The following DYNC2I2 variants were observed in gnomAD, a reference collection of about 807,000 sequenced individuals.
DYNC2I2 encodes the protein dynein 2 intermediate chain 2.
In DYNC2I2, 39 loss-of-function variants were observed where a neutral mutation model predicts 52.0. The observed-to-expected ratio is 0.75, with a 90% CI of 0.58 to 0.98. The LOEUF (loss-of-function observed/expected upper bound fraction) is 0.98. DYNC2I2 is among the 50% of genes least tolerant of loss of function. The pLI is 0.00. For missense variants in DYNC2I2, 743 were observed against 728.4 expected (o/e 1.02, Z -0.23); for synonymous variants, 359 against 321.1 (o/e 1.12, Z -1.26).
upstream of DYNC2I2, among the ~76,000 whole-genome samples, chr9:128,659,841 G>A (rs1860897519): frequency 6.6e-6 from 1 of 151,668 alleles, no homozygotes; most frequent in Non-Finnish European, 1.5e-5. Flanking sequence ...CTGGGAGGTG[G>A]AAGTGGCAGT....
chr9:128,662,091 G>C, the DYNC2I2 span, among the ~76,000 whole-genome samples: 2 of 151,602 alleles, frequency 1.3e-5, no homozygotes, highest in African/African-American at 4.8e-5. Flanking sequence ...AAATTAGCTG[G>C]GCATGGTTGC....
At chr9:128,671,965 TTTTA>T in the DYNC2I2 span, among the ~76,000 whole-genome samples, 11,139 of 142,796 alleles carry the variant, frequency 0.078, 560 homozygotes, top group Middle Eastern at 0.14. Flanking sequence ...ATTTTTGTAT[TTTTA>T]TTTATTTATT....
chr9:128,669,059 C>T, the DYNC2I2 span, among the ~76,000 whole-genome samples: 4 of 151,526 alleles, frequency 2.6e-5, no homozygotes, highest in African/African-American at 7.3e-5. Flanking sequence ...GGCAAAACCC[C>T]GTCTCTACTA....
intron 1 of DYNC2I2, among the ~76,000 whole-genome samples, chr9:128,641,259 C>G (rs895571867): frequency 2.6e-5 from 4 of 152,128 alleles, no homozygotes; most frequent in African/African-American, 9.7e-5. Flanking sequence ...TCAGAGGGCT[C>G]CCTTTCTGAA....
Position 128,656,674 on chromosome 9 carries a change from A to G in DYNC2I2, c.53T>C (p.Val18Ala), listed in dbSNP as rs755251806. The G allele has an allele frequency of 2.0e-6, 3 of 1,505,210 alleles. No homozygotes were observed. Among genetic ancestry groups the G allele is most frequent in the South Asian group, 2.5e-5 (2 of 79,480 alleles). The allele number at this position is 1,505,210 out of a possible 1,614,324, so 93.2% of individuals were successfully genotyped here. ...GPLSQAGSAG[V>A]AALATVGVAS... is the part of the protein sequence containing the mutation. ...AACCCCGACTGTCGCCAGCGCCGCA[A>G]CACCAGCGCTTCCCGCCTGGCTGAG... is the stretch of plus-strand genomic sequence containing the variant. The change falls in exon 1 of 9, where the codon GTT becomes GCT. Residue 18 changes from valine to alanine, a missense_variant. Coordinates refer to ENST00000372715, the MANE Select transcript of DYNC2I2 (RefSeq NM_052844.4).
At chr9:128,642,493 G>A (rs1246107160) in intron 1 of DYNC2I2, among the ~76,000 whole-genome samples, 5 of 151,114 alleles carry the variant, frequency 3.3e-5, no homozygotes, top group East Asian at 3.9e-4. Flanking sequence ...TATTGAGGCC[G>A]GGCGCAGTGG....
chr9:128,649,688 C>CAAAAAAAAAAAAAAAAAAAAAA (rs34154610), intron 1 of DYNC2I2, among the ~76,000 whole-genome samples: 2 of 47,230 alleles, frequency 4.2e-5, no homozygotes, highest in Admixed American at 3.5e-4. Context: ...GACTCCATCT[C>CAAAAAAAAAAAAAAAAAAAAAA]AAAAAAAAAA....
At chr9:128,678,448 ATTTTTT>A in the DYNC2I2 span, among the ~76,000 whole-genome samples, 3 of 61,360 alleles carry the variant, frequency 4.9e-5, no homozygotes, top group Admixed American at 3.1e-4. Context: ...ACCACAGGTA[ATTTTTT>A]TTTTTTTTTT....
chr9:128,643,359 T>C (rs1860553610), intron 1 of DYNC2I2, among the ~76,000 whole-genome samples: 1 of 152,070 alleles, frequency 6.6e-6, no homozygotes, highest in Non-Finnish European at 1.5e-5. Flanking sequence ...ACCCCGTCTC[T>C]ACTAAAAATA....
intron 1 of DYNC2I2, among the ~76,000 whole-genome samples, chr9:128,644,725 A>T (rs1163711482): frequency 6.6e-6 from 1 of 152,154 alleles, no homozygotes; most frequent in Non-Finnish European, 1.5e-5. Context: ...ACTTTTCACA[A>T]ACTGAAGGAT....
chr9:128,657,619 A>G (rs185929614), upstream of DYNC2I2, among the ~76,000 whole-genome samples: 1 of 152,244 alleles, frequency 6.6e-6, no homozygotes, highest in Admixed American at 6.5e-5. Context: ...CCTGAGCAAC[A>G]TAGTGAGAGC....
At chr9:128,653,878 G>A (rs987741341) in intron 1 of DYNC2I2, among the ~76,000 whole-genome samples, 1 of 152,154 alleles carries the variant, frequency 6.6e-6, no homozygotes, top group Non-Finnish European at 1.5e-5. Flanking sequence ...AGGCGTGGTG[G>A]CGGGTGCCTG....
At position 128,640,366 on chromosome 9, in the gene DYNC2I2, T is replaced by C. The variant is rs552272418; in HGVS notation, c.435+325A>G. Among the ~76,000 whole-genome samples, 39 of 152,274 alleles carry C rather than the reference T, an allele frequency of 2.6e-4. No individual in the cohort carries two copies. The Middle Eastern group carries it at 0.017, about 66-fold the overall frequency. On this transcript the variant is annotated intron_variant, in intron 2 of 8. Transcript: ENST00000372715. ...AAGAAGGCCCTCACTGCACCGTACA[T>C]GGGGAGGCAGGGCAGCCGGGCCACC...
chr9:128,635,087 C>A lies in DYNC2I2; in HGVS notation c.981+5G>T. The A allele has an allele frequency of 1.2e-6, 2 of 1,607,466 alleles. No individual in the cohort carries two copies. The highest frequency in any genetic ancestry group is 1.7e-6 in the Non-Finnish European group (2 of 1,176,076). On this transcript the variant is annotated splice_donor_5th_base_variant and intron_variant, in intron 6 of 8. Transcript: ENST00000372715. ...GGCCAGGGCAGTTTCCGGGTGCCCA[C>A]GTACCTTCTTGAGCTTGGTGCTCCG...
At chr9:128,682,141 T>C in the DYNC2I2 span, among the ~76,000 whole-genome samples, 1 of 151,368 alleles carries the variant, frequency 6.6e-6, no homozygotes, top group Non-Finnish European at 1.5e-5. Flanking sequence ...CTCCGCCTCC[T>C]GGGTTCTGGC....
the DYNC2I2 span, among the ~76,000 whole-genome samples, chr9:128,672,500 TAAA>T: frequency 2.3e-5 from 3 of 128,516 alleles, no homozygotes; most frequent in Middle Eastern, 4.0e-3. Flanking sequence ...ACCCTGTCTC[TAAA>T]AAAAAAAAAA....
rs749438539 is a variant in DYNC2I2, at chr9:128,640,911, G to A, written c.215C>T (p.Thr72Ile). The change falls in exon 2 of 9, where the codon ACT becomes ATT. Residue 72 changes from threonine to isoleucine, a missense_variant. Physicochemically the swap from Thr to Ile is moderately conservative, Grantham distance 89. Transcript: ENST00000372715. ...TKSCQTASIA[T>I]ASASAQARNH... Reference sequence around the variant, plus strand: ...CCTGGCCTGGGCGGATGCACTGGCAGTGGCAATGCTGGCCGTCTGGCAACT... The same window carrying A: ...CCTGGCCTGGGCGGATGCACTGGCAATGGCAATGCTGGCCGTCTGGCAACT... 8.1e-6 allele frequency: 13 copies of A among 1,600,690 alleles called. No homozygotes were observed. The Admixed American group carries it at 1.9e-4, about 23-fold the overall frequency.
At chr9:128,679,329 AAAG>A in the DYNC2I2 span, among the ~76,000 whole-genome samples, 1 of 152,308 alleles carries the variant, frequency 6.6e-6, no homozygotes, top group East Asian at 1.9e-4. Context: ...AGCAGCTCAA[AAAG>A]AAGAAAGGGA....
the DYNC2I2 span, chr9:128,683,865 C>G: frequency 6.5e-7 from 1 of 1,527,114 alleles, no homozygotes; most frequent in East Asian, 2.5e-5. Context: ...CGAGGAGACT[C>G]GTGGTCTGGT....
Sources: allele counts gnomAD v4.1 joint callset (sites outside exome capture counted in the v4.1 genomes callset), GRCh38; gene constraint gnomAD v4.1.1; transcripts MANE v1.5; gene names NCBI Gene and HGNC (gene_info 2026-07-23, HGNC 2026-07-21).